XDH: variants seen among roughly 807,000 people sequenced by gnomAD.
XDH encodes xanthine dehydrogenase, also known as xanthine dehydrogenase/oxidase.
A neutral mutation model predicts 156.1 loss-of-function variants in XDH; 138 were observed. That is an observed-to-expected ratio of 0.88 (90% CI 0.77 to 1.02). The LOEUF (loss-of-function observed/expected upper bound fraction) is 1.02. Among genes scored for constraint, XDH ranks in the 50% least tolerant of loss-of-function variants. XDH has a pLI of 0.00. For synonymous variants in XDH, 669 were observed against 625.7 expected, an observed-to-expected ratio of 1.07 and a Z score of -1.03; for missense variants, 1,849 against 1,684.9, an observed-to-expected ratio of 1.10 and a Z score of -1.71.
At chr2:31,383,508 T>G (rs1306137834) in intron 10 of XDH, among the ~76,000 whole-genome samples, 1 of 151,928 alleles carries the variant, frequency 6.6e-6, no homozygotes, top group African/African-American at 2.4e-5. Context: ...TGAGTGATTC[T>G]AATGTGTAGC....
Position 31,368,581 on chromosome 2 carries a change from T to C in XDH, c.2060A>G (p.Lys687Arg), listed in dbSNP as rs760995064. 1 of 1,614,182 alleles carries C rather than the reference T, an allele frequency of 6.2e-7. No individual in the cohort carries two copies. The highest frequency in any genetic ancestry group is 1.1e-5 in the South Asian group (1 of 91,068). The change falls in exon 19 of 36, where the codon AAA becomes AGA. Residue 687 changes from lysine (K) to arginine (R), a missense_variant. Lys to Arg is a conservative substitution (Grantham distance 26). Coordinates refer to ENST00000379416, the MANE Select transcript of XDH (RefSeq NM_000379.4). ...GGCTGGTAGTTCTTCATAGGTGATT[T>C]TCACCCCTTGGGCAGCTCTCTGTGT... Reference protein sequence around the residue: ...EHTQRAAQGVKITYEELPAII... With the variant: ...EHTQRAAQGVRITYEELPAII...
rs1349652522 is a variant in XDH, at chr2:31,346,757, G to C, written c.3351+12C>G. The C allele has an allele frequency of 6.2e-7, 1 of 1,614,148 alleles. No individual in the cohort carries two copies. The highest frequency in any genetic ancestry group is 1.7e-5 in the Admixed American group (1 of 60,022). On this transcript the variant is annotated intron_variant, in intron 30 of 35. Coordinates refer to ENST00000379416, the MANE Select transcript of XDH (RefSeq NM_000379.4). Reference sequence around the variant, plus strand: ...TCCTTTGCAAACGTGACTTGGATCAGCTCAGACTTACCCAGTCTTCCCAGG... The same window carrying C: ...TCCTTTGCAAACGTGACTTGGATCACCTCAGACTTACCCAGTCTTCCCAGG...
At chr2:31,341,042 G>T (rs1685110057) in intron 33 of XDH, among the ~76,000 whole-genome samples, 1 of 152,166 alleles carries the variant, frequency 6.6e-6, no homozygotes, top group Admixed American at 6.5e-5. Flanking sequence ...CTCAAATTGG[G>T]TGTGTGTGCA....
intron 34 of XDH, among the ~76,000 whole-genome samples, chr2:31,338,692 T>C (rs1685037735): frequency 7.1e-6 from 1 of 141,516 alleles, no homozygotes; most frequent in Non-Finnish European, 1.5e-5. Flanking sequence ...GAAGACACAA[T>C]CCTCCAGGCA....
At chr2:31,358,465 A>C (rs1242397634) in intron 24 of XDH, among the ~76,000 whole-genome samples, 1 of 152,196 alleles carries the variant, frequency 6.6e-6, no homozygotes, top group Non-Finnish European at 1.5e-5. Flanking sequence ...TTTTAAAAGA[A>C]AAAACTACAG....
rs780629179 is a variant in XDH at position 31,373,962 on chromosome 2, G to A, written c.1603-6C>T. 2.9e-5 allele frequency: 46 copies of A among 1,612,732 alleles called. No individual in the cohort carries two copies. The highest frequency in any genetic ancestry group is 3.6e-5 in the Non-Finnish European group (42 of 1,179,318). ...GGGTCCAGTTTACCACACTTCTGTGGAGACAAGAAAACAGAGGTGACCAGG... is the reference window on the plus strand; with the variant it reads ...GGGTCCAGTTTACCACACTTCTGTGAAGACAAGAAAACAGAGGTGACCAGG... On this transcript the variant is annotated splice_region_variant and splice_polypyrimidine_tract_variant and intron_variant, in intron 15 of 35. Transcript: ENST00000379416.
At chr2:31,371,767 A>G (rs1227318170) in intron 17 of XDH, among the ~76,000 whole-genome samples, 1 of 152,156 alleles carries the variant, frequency 6.6e-6, no homozygotes, top group African/African-American at 2.4e-5. Context: ...CCGTCTCCAA[A>G]CTAGGAGCAG....
chr2:31,406,395 C>T (rs917719963), intron 1 of XDH, among the ~76,000 whole-genome samples: 2 of 152,182 alleles, frequency 1.3e-5, no homozygotes, highest in Non-Finnish European at 2.9e-5. Flanking sequence ...GCCTGCAGAA[C>T]TGTGAGCCAA....
Position 31,377,252 on chromosome 2 carries a change from G to A in XDH, c.1243-15C>T. On this transcript the variant is annotated splice_polypyrimidine_tract_variant and intron_variant, in intron 13 of 35. Coordinates refer to ENST00000379416, the MANE Select transcript of XDH (RefSeq NM_000379.4). ...AAATACTCCCCCTAAAAGAGATCAG[G>A]AAGGTGCCTGTTTTCCACCTTGCTC... is the stretch of plus-strand genomic sequence containing the variant. The A allele has an allele frequency of 6.2e-7, 1 of 1,613,750 alleles. No homozygotes were observed. The highest frequency in any genetic ancestry group is 8.5e-7 in the Non-Finnish European group (1 of 1,180,010).
chr2:31,353,036 T>C (rs1685525277), intron 24 of XDH, among the ~76,000 whole-genome samples: 1 of 151,466 alleles, frequency 6.6e-6, no homozygotes. Context: ...TTTTTTTTTT[T>C]TTTTCAAACA....
chr2:31,401,357 T>C lies in XDH; in HGVS notation c.198-29A>G, dbSNP rs775719735. The C allele has an allele frequency of 2.5e-6, 4 of 1,611,438 alleles. No homozygotes were observed. In the African/African-American group the frequency reaches 5.3e-5, roughly 22 times the overall value. On this transcript the variant is annotated intron_variant, in intron 3 of 35. Transcript: ENST00000379416. Reference sequence around the variant, plus strand: ...GAACCCCAGATTAAGGTCATTCCATTTATTGTCCACTCAGATCATCAGAAT... The same window carrying C: ...GAACCCCAGATTAAGGTCATTCCATCTATTGTCCACTCAGATCATCAGAAT...
rs138249576 is a variant in XDH at position 31,337,672 on chromosome 2, C to A, written c.3920G>T (p.Arg1307Leu). 3 of 1,614,034 alleles carry A rather than the reference C, an allele frequency of 1.9e-6. No individual in the cohort carries two copies. Among genetic ancestry groups the A allele is most frequent in the Non-Finnish European group, 8.5e-7 (1 of 1,180,046 alleles). Reference protein sequence around the residue: ...LDSPATPEKIRNACVDKFTTL... With the variant: ...LDSPATPEKILNACVDKFTTL... ...GGTGAACTTGTCCACGCAGGCATTG[C>A]GGATCTTCTCCGGGGTGGCAGGGCT... The change falls in exon 35 of 36, where the codon CGC becomes CTC. Residue 1307 changes from arginine (R) to leucine (L), a missense_variant. Arg to Leu is a moderately radical substitution (Grantham distance 102). Coordinates refer to ENST00000379416, the MANE Select transcript of XDH (RefSeq NM_000379.4).
At position 31,339,543 on chromosome 2, in the gene XDH, G is replaced by A; in HGVS notation, c.3720C>T (p.Phe1240=). 1 of 1,614,242 alleles carries A rather than the reference G, an allele frequency of 6.2e-7. No individual in the cohort carries two copies. The highest frequency in any genetic ancestry group is 8.5e-7 in the Non-Finnish European group (1 of 1,180,052). The change falls in exon 34 of 36, where the codon TTC becomes TTT. Residue 1240 remains phenylalanine (F), a synonymous_variant. Coordinates refer to ENST00000379416, the MANE Select transcript of XDH (RefSeq NM_000379.4). ...IPAFGSIPIE[F]RVSLLRDCPN... ...GGCAGTCGCGGAGCAGGGACACCCT[G>A]AACTCAATGGGGATGCTGCCAAATG... is the stretch of plus-strand genomic sequence containing the variant.
intron 13 of XDH, among the ~76,000 whole-genome samples, chr2:31,378,776 T>C (rs1037681048): frequency 6.6e-6 from 1 of 152,132 alleles, no homozygotes; most frequent in Non-Finnish European, 1.5e-5. Context: ...AGGATGTGTT[T>C]TGTTAATGAC....
chr2:31,411,013 G>C (rs139321771), intron 1 of XDH, among the ~76,000 whole-genome samples: 1 of 152,122 alleles, frequency 6.6e-6, no homozygotes, highest in Admixed American at 6.5e-5. Flanking sequence ...GGCCAGGCGC[G>C]GTGGCTCACG....
At chr2:31,410,521 A>T (rs1687314002) in intron 1 of XDH, among the ~76,000 whole-genome samples, 1 of 152,204 alleles carries the variant, frequency 6.6e-6, no homozygotes. Context: ...AAGGTAAAGA[A>T]AAGTTACCTT....
At chr2:31,402,117 C>A (rs1687074373) in intron 3 of XDH, among the ~76,000 whole-genome samples, 1 of 151,212 alleles carries the variant, frequency 6.6e-6, no homozygotes, top group African/African-American at 2.5e-5. Context: ...GCTTGATTTG[C>A]AGCAGAGTCT....
At chr2:31,379,444 T>G (rs1686370792) in intron 13 of XDH, among the ~76,000 whole-genome samples, 1 of 152,206 alleles carries the variant, frequency 6.6e-6, no homozygotes, top group Admixed American at 6.5e-5. Flanking sequence ...CCTCGACAGC[T>G]AGATGTGTTC....
intron 6 of XDH, among the ~76,000 whole-genome samples, chr2:31,391,457 C>T (rs927357326): frequency 1.3e-5 from 2 of 152,118 alleles, no homozygotes; most frequent in Admixed American, 1.3e-4. Flanking sequence ...GTTCTCTATT[C>T]TCCTTCAATA....
Sources: allele counts gnomAD v4.1 joint callset (sites outside exome capture counted in the v4.1 genomes callset), GRCh38; gene constraint gnomAD v4.1.1; transcripts MANE v1.5; gene names NCBI Gene and HGNC (gene_info 2026-07-23, HGNC 2026-07-21).